CTNNA3: variants seen among roughly 807,000 people sequenced by gnomAD.
The protein encoded by CTNNA3 is catenin alpha-3.
In CTNNA3, 76 loss-of-function variants were observed where a neutral mutation model predicts 95.7. The ratio of observed to expected loss-of-function variants is 0.79; its 90% CI spans 0.66 to 0.96. The LOEUF (loss-of-function observed/expected upper bound fraction) is 0.96, where lower values mean the gene tolerates loss of function less well. Ranked by LOEUF, CTNNA3 falls within the 40% of genes least tolerant of loss-of-function variation. The pLI is 0.00. For missense variants in CTNNA3, 1,191 were observed against 1,089.8 expected (o/e 1.09, Z -1.31); for synonymous variants, 431 against 374.4 (o/e 1.15, Z -1.74).
chr10:66,106,515 G>C (rs1165680524), intron 13 of CTNNA3, among the ~76,000 whole-genome samples: 1 of 152,034 alleles, frequency 6.6e-6, no homozygotes, highest in African/African-American at 2.4e-5. Flanking sequence ...GGCAATATGT[G>C]TTCTCTTTTA....
intron 9 of CTNNA3, among the ~76,000 whole-genome samples, chr10:66,651,405 G>T (rs1845892098): frequency 6.6e-6 from 1 of 152,302 alleles, no homozygotes; most frequent in African/African-American, 2.4e-5. Flanking sequence ...GCTTCCTCTA[G>T]TGGATCACGT....
chr10:65,926,821 T>C (rs12251157), intron 17 of CTNNA3, among the ~76,000 whole-genome samples: 5,768 of 152,226 alleles, frequency 0.038, 168 homozygotes, highest in East Asian at 0.15. Context: ...ACATTAGGCA[T>C]TTTTGCAAGT....
intron 5 of CTNNA3, among the ~76,000 whole-genome samples, chr10:67,376,536 C>T (rs1214963098): frequency 6.6e-6 from 1 of 152,216 alleles, no homozygotes; most frequent in African/African-American, 2.4e-5. Flanking sequence ...GTAAGGACTA[C>T]AAATCTAATT....
intron 9 of CTNNA3, among the ~76,000 whole-genome samples, chr10:66,671,054 A>C (rs1272891423): frequency 2.0e-5 from 3 of 152,208 alleles, no homozygotes; most frequent in East Asian, 3.9e-4. Context: ...TGTTTAAACA[A>C]AGGAGAGAGG....
At chr10:67,759,877 G>C (rs573706974) in intron 1 of CTNNA3, among the ~76,000 whole-genome samples, 1 of 152,240 alleles carries the variant, frequency 6.6e-6, no homozygotes, top group South Asian at 2.1e-4. Flanking sequence ...AGTTATCTTA[G>C]AAGAGGACGC....
At chr10:66,757,779 G>T (rs1201429187) in intron 9 of CTNNA3, among the ~76,000 whole-genome samples, 1 of 152,068 alleles carries the variant, frequency 6.6e-6, no homozygotes. Context: ...AATTTATTAT[G>T]CTACCTTTAT....
At chr10:67,189,860 A>AC (rs1415357170) in intron 6 of CTNNA3, among the ~76,000 whole-genome samples, 1 of 152,146 alleles carries the variant, frequency 6.6e-6, no homozygotes, top group Non-Finnish European at 1.5e-5. Context: ...AGTTTTAAAA[A>AC]ATCTGACACT....
chr10:67,648,029 A>G (rs1839770223), intron 1 of CTNNA3, among the ~76,000 whole-genome samples: 1 of 152,202 alleles, frequency 6.6e-6, no homozygotes, highest in African/African-American at 2.4e-5. Context: ...TGATTGGAGA[A>G]GGTTAAAGGC....
intron 11 of CTNNA3, among the ~76,000 whole-genome samples, chr10:66,399,432 TACTTG>T (rs2093003324): frequency 6.6e-6 from 1 of 151,968 alleles, no homozygotes; most frequent in South Asian, 2.1e-4. Context: ...ATAAACATAA[TACTTG>T]ACTTTGACAG....
chr10:67,504,817 G>A (rs1400448587), intron 5 of CTNNA3, among the ~76,000 whole-genome samples: 2 of 152,160 alleles, frequency 1.3e-5, no homozygotes, highest in Non-Finnish European at 2.9e-5. Context: ...TTTCCTGATA[G>A]ATTTCAAAGA....
intron 9 of CTNNA3, among the ~76,000 whole-genome samples, chr10:66,663,592 C>T (rs1846338397): frequency 6.6e-6 from 1 of 152,068 alleles, no homozygotes; most frequent in Non-Finnish European, 1.5e-5. Context: ...TTGTATCTCT[C>T]CAGTTTGCTG....
At chr10:67,495,523 G>A (rs907641551) in intron 5 of CTNNA3, among the ~76,000 whole-genome samples, 4 of 152,106 alleles carry the variant, frequency 2.6e-5, no homozygotes, top group South Asian at 2.1e-4. Context: ...AGGAATGGGC[G>A]GGTAGTGGCA....
intron 11 of CTNNA3, among the ~76,000 whole-genome samples, chr10:66,476,149 G>A (rs1839318891): frequency 1.3e-5 from 2 of 152,036 alleles, no homozygotes; most frequent in Non-Finnish European, 2.9e-5. Flanking sequence ...ACTCACAAGT[G>A]GAAGCTGAAC....
intron 7 of CTNNA3, among the ~76,000 whole-genome samples, chr10:67,109,897 G>A (rs2394337): frequency 0.57 from 85,976 of 152,012 alleles, 26,021 homozygotes; most frequent in African/African-American, 0.8. Flanking sequence ...TTCAGAACAT[G>A]TCCGTATTAA....
At chr10:66,444,581 A>G (rs1161683789) in intron 11 of CTNNA3, among the ~76,000 whole-genome samples, 2 of 152,136 alleles carry the variant, frequency 1.3e-5, no homozygotes, top group African/African-American at 4.8e-5. Flanking sequence ...ACTAAGCTTC[A>G]TAAGTGAAGG....
intron 8 of CTNNA3, among the ~76,000 whole-genome samples, chr10:66,769,005 A>C (rs984392815): frequency 1.3e-5 from 2 of 152,160 alleles, no homozygotes; most frequent in Non-Finnish European, 2.9e-5. Context: ...TAATAATTTG[A>C]TTGTGACATG....
At chr10:66,215,203 A>C (rs2088446108) in intron 13 of CTNNA3, among the ~76,000 whole-genome samples, 1 of 152,204 alleles carries the variant, frequency 6.6e-6, no homozygotes, top group Non-Finnish European at 1.5e-5. Context: ...GGATGCCACC[A>C]GGAGGCGGTG....
chr10:67,236,103 C>T (rs10437348), intron 5 of CTNNA3, among the ~76,000 whole-genome samples: 2 of 142,000 alleles, frequency 1.4e-5, no homozygotes, highest in South Asian at 2.3e-4. Context: ...GTCACTGTGG[C>T]GATTCCTCAG....
chr10:67,107,994 A>C (rs920986891), intron 7 of CTNNA3, among the ~76,000 whole-genome samples: 1 of 152,206 alleles, frequency 6.6e-6, no homozygotes, highest in Non-Finnish European at 1.5e-5. Context: ...TCACCATTCA[A>C]ATTGTCTGTG....
Sources: allele counts gnomAD v4.1 joint callset (sites outside exome capture counted in the v4.1 genomes callset), GRCh38; gene constraint gnomAD v4.1.1; transcripts MANE v1.5; gene names NCBI Gene and HGNC (gene_info 2026-07-23, HGNC 2026-07-21).